The following FRAS1 variants were observed in gnomAD, a reference collection of about 807,000 sequenced individuals.
FRAS1 encodes the protein extracellular matrix organizing protein FRAS1.
FRAS1 carries 290 observed loss-of-function variants against 435.2 expected under a neutral mutation model. The ratio of observed to expected loss-of-function variants is 0.67; its 90% CI spans 0.61 to 0.73. The LOEUF (loss-of-function observed/expected upper bound fraction) is 0.73. FRAS1 is among the 30% of genes least tolerant of loss of function. FRAS1 has a pLI of 0.00. For missense variants in FRAS1, 4,860 were observed against 5,001.5 expected, an observed-to-expected ratio of 0.97 and a Z score of 0.85; for synonymous variants, 1,800 against 1,851.0, an observed-to-expected ratio of 0.97 and a Z score of 0.71.
chr4:78,121,366 C>T (rs891432079), intron 2 of FRAS1, among the ~76,000 whole-genome samples: 3 of 152,234 alleles, frequency 2.0e-5, no homozygotes, highest in Non-Finnish European at 4.4e-5. Flanking sequence ...AAGCCCCCCA[C>T]ATACTGAGAG....
At chr4:78,324,792 C>A (rs1201723947) in intron 18 of FRAS1, among the ~76,000 whole-genome samples, 1 of 136,438 alleles carries the variant, frequency 7.3e-6, no homozygotes, top group East Asian at 2.1e-4. Flanking sequence ...ATTAATAATG[C>A]AGCTCTGTCG....
chr4:78,399,203 T>C (rs537912666), intron 29 of FRAS1, among the ~76,000 whole-genome samples: 1 of 152,342 alleles, frequency 6.6e-6, no homozygotes, highest in South Asian at 2.1e-4. Flanking sequence ...GCTGTTCTCA[T>C]GGGCACTGTT....
chr4:78,319,304 A>T, intron 18 of FRAS1: 1 of 497,958 alleles, frequency 2.0e-6, no homozygotes, highest in Middle Eastern at 3.0e-4. Context: ...TCATTGTAGA[A>T]TTTCATTTAT....
chr4:78,260,183 C>T (rs1041307698), intron 6 of FRAS1, among the ~76,000 whole-genome samples: 10 of 151,530 alleles, frequency 6.6e-5, no homozygotes, highest in Non-Finnish European at 1.2e-4. Context: ...CTTGGCAATG[C>T]GGGCTCTTTT....
intron 2 of FRAS1, among the ~76,000 whole-genome samples, chr4:78,142,495 AT>A (rs1189866315): frequency 6.6e-6 from 1 of 152,132 alleles, no homozygotes; most frequent in Admixed American, 6.6e-5. Flanking sequence ...GAAATAGGTG[AT>A]ACAAAAAGAT....
chr4:78,446,379 T>A, intron 42 of FRAS1: 7 of 1,077,772 alleles, frequency 6.5e-6, no homozygotes, highest in Non-Finnish European at 7.9e-6. Flanking sequence ...CTAAGAGAGT[T>A]CTGAGTTATA....
At position 78,067,971 on chromosome 4, in the gene FRAS1, C is replaced by T. The variant is rs187962984; in HGVS notation, c.108+1955C>T. Reference sequence around the variant, plus strand: ...GGGATTACAGGCATAAGCCACTGAGCCTGGCCTGCTACATTTGTTTCTGAA... The same window carrying T: ...GGGATTACAGGCATAAGCCACTGAGTCTGGCCTGCTACATTTGTTTCTGAA... On this transcript the variant is annotated intron_variant, in intron 2 of 73. Transcript: ENST00000512123. 3.4e-3 allele frequency among the ~76,000 whole-genome samples: 519 copies of T among 151,460 alleles called. 4 individuals are homozygous for T. The highest frequency in any genetic ancestry group is 0.012 in the African/African-American group (500 of 41,254).
intron 40 of FRAS1, among the ~76,000 whole-genome samples, chr4:78,440,867 T>G (rs545999949): frequency 2.2e-4 from 34 of 152,206 alleles, no homozygotes; most frequent in Admixed American, 2.2e-3. Context: ...TGAACCGAGG[T>G]GGGTGATTAG....
chr4:78,515,323 C>CTTTTTTTTTT (rs78491600), intron 65 of FRAS1, among the ~76,000 whole-genome samples: 1 of 136,356 alleles, frequency 7.3e-6, no homozygotes. Flanking sequence ...GGTATGCTGG[C>CTTTTTTTTTT]TTTTTTTTTT....
rs558318183 is a variant in FRAS1 at position 78,372,330 on chromosome 4, G to A, written c.2870-388G>A. ...CATCTCTTTACCTATTGAGCATTGAGTATTTGGAAGAAGTCAGGGTTAGGT... is the reference window on the plus strand; with the variant it reads ...CATCTCTTTACCTATTGAGCATTGAATATTTGGAAGAAGTCAGGGTTAGGT... On this transcript the variant is annotated intron_variant, in intron 23 of 73. Transcript: ENST00000512123. 4.6e-5 allele frequency among the ~76,000 whole-genome samples: 7 copies of A among 152,300 alleles called. No individual in the cohort carries two copies. In the South Asian group the frequency reaches 1.2e-3, roughly 27 times the overall value.
rs1720665030 is a variant in FRAS1 at position 78,151,619 on chromosome 4, G to A, written c.108+85603G>A. ...AAGTCGAAGATCATGGTCTTGCCCT[G>A]AGTATAAGATAGTAACACACAAGTT... On this transcript the variant is annotated intron_variant, in intron 2 of 73. Transcript: ENST00000512123. Among the ~76,000 whole-genome samples, 3 of 152,182 alleles carry A rather than the reference G, an allele frequency of 2.0e-5. No individual in the cohort carries two copies. The South Asian group carries it at 6.2e-4, about 32-fold the overall frequency.
intron 14 of FRAS1, among the ~76,000 whole-genome samples, chr4:78,305,117 G>T (rs1462932009): frequency 2.6e-5 from 4 of 151,944 alleles, no homozygotes; most frequent in African/African-American, 7.3e-5. Context: ...ATTTTGTTAT[G>T]TACCCAGTAG....
Position 78,515,949 on chromosome 4 carries a change from A to T in FRAS1, c.10325A>T (p.Asp3442Val). ...LNLKSCVWTF[D>V]AYYDMTELID... ...CTGAAGAGCTGCGTGTGGACCTTTG[A>T]TGCTTATTATGACATGACTGAGCTG... Residue 3442 changes from aspartate (D) to valine (V), a missense_variant, in exon 66 of 74, where the codon GAT (aspartate) becomes GTT (valine). Asp to Val is a radical substitution (Grantham distance 152, BLOSUM62 -3). Transcript: ENST00000512123. 1 of 1,613,932 alleles carries T rather than the reference A, an allele frequency of 6.2e-7. No homozygotes were observed.
At chr4:78,388,601 C>T (rs1732319710) in intron 29 of FRAS1, among the ~76,000 whole-genome samples, 1 of 151,166 alleles carries the variant, frequency 6.6e-6, no homozygotes, top group African/African-American at 2.4e-5. Flanking sequence ...AGTTTGAGAC[C>T]AGCGTGAGCA....
chr4:78,118,602 A>G (rs1303759304), intron 2 of FRAS1, among the ~76,000 whole-genome samples: 6 of 152,180 alleles, frequency 3.9e-5, no homozygotes, highest in Non-Finnish European at 5.9e-5. Flanking sequence ...CTCCGTGGGC[A>G]TAGGACCCTC....
chr4:78,155,707 C>T (rs934049434), intron 2 of FRAS1, among the ~76,000 whole-genome samples: 2 of 152,166 alleles, frequency 1.3e-5, no homozygotes, highest in Admixed American at 1.3e-4. Flanking sequence ...AAATGTTATT[C>T]TGCTTGCACT....
intron 4 of FRAS1, among the ~76,000 whole-genome samples, chr4:78,248,272 C>T (rs889292250): frequency 3.3e-5 from 5 of 152,208 alleles, no homozygotes; most frequent in African/African-American, 9.7e-5. Context: ...ATTTGTGCCT[C>T]GCCATGCCAA....
At chr4:78,087,972 A>G (rs1741287554) in intron 2 of FRAS1, among the ~76,000 whole-genome samples, 2 of 152,260 alleles carry the variant, frequency 1.3e-5, no homozygotes, top group South Asian at 2.1e-4. Context: ...TGCCAAGTCA[A>G]TCCTAAGCCA....
At chr4:78,251,498 C>G (rs971280454) in intron 4 of FRAS1, among the ~76,000 whole-genome samples, 5 of 152,104 alleles carry the variant, frequency 3.3e-5, no homozygotes, top group Non-Finnish European at 7.3e-5. Context: ...ATCCATCACC[C>G]CCCATGCTGT....
Sources: allele counts gnomAD v4.1 joint callset (sites outside exome capture counted in the v4.1 genomes callset), GRCh38; gene constraint gnomAD v4.1.1; transcripts MANE v1.5; gene names NCBI Gene and HGNC (gene_info 2026-07-23, HGNC 2026-07-21).